Variants in AGL observed in about 807,000 individuals in gnomAD.
AGL encodes glycogen debranching enzyme.
AGL carries 128 observed loss-of-function variants against 199.3 expected under a neutral mutation model. The observed-to-expected ratio is 0.64, with a 90% CI of 0.56 to 0.74. The LOEUF (loss-of-function observed/expected upper bound fraction) is 0.74. Ranked by LOEUF, AGL falls within the 30% of genes least tolerant of loss-of-function variation. The pLI is 0.00. For synonymous variants in AGL, 584 were observed against 594.7 expected (o/e 0.98, Z 0.26); for missense variants, 1,809 against 1,820.8 (o/e 0.99, Z 0.12).
intron 5 of AGL, among the ~76,000 whole-genome samples, chr1:99,866,088 T>C (rs145259974): frequency 6.6e-6 from 1 of 152,212 alleles, no homozygotes; most frequent in African/African-American, 2.4e-5. Flanking sequence ...GGCAACATAA[T>C]GAGACCCCCA....
chr1:99,913,635 C>CA lies in AGL; in HGVS notation c.4061dup (p.Asn1354LysfsTer12), dbSNP rs768747182. 1.2e-6 allele frequency: 2 copies of CA among 1,613,846 alleles called. No homozygotes were observed. The highest frequency in any genetic ancestry group is 4.5e-5 in the East Asian group (2 of 44,852). ...CCTTCAGATTTAAATGAAAAGCATC[C>CA]AAATCTGGTTCACAAACGTGGCATA... is the stretch of plus-strand genomic sequence containing the variant. On this transcript the variant is annotated frameshift_variant, in exon 30 of 34. Transcript: ENST00000361915. LOFTEE classifies it high-confidence loss of function.
At position 99,912,412 on chromosome 1, in the gene AGL, T is replaced by G. The variant is rs1654811616; in HGVS notation, c.3844T>G (p.Ser1282Ala). Residue 1282 changes from serine to alanine, a missense_variant, in exon 29 of 34, where the codon TCT (serine) becomes GCT (alanine). By Grantham distance (99) the Ser-to-Ala change is moderately conservative. Coordinates refer to ENST00000361915, the MANE Select transcript of AGL (RefSeq NM_000642.3). ...TACGTTTTTTAATTTTAGAGATGGG[T>G]CTGCTGTGGAAATTGTGGGCCTGAG... ...RGIPATPRDG[S>A]AVEIVGLSKS... 1 of 1,613,722 alleles carries G rather than the reference T, an allele frequency of 6.2e-7. No homozygotes were observed. Among genetic ancestry groups the G allele is most frequent in the Non-Finnish European group, 8.5e-7 (1 of 1,179,726 alleles).
intron 25 of AGL, among the ~76,000 whole-genome samples, chr1:99,898,964 T>C (rs1410021910): frequency 1.3e-5 from 2 of 152,162 alleles, no homozygotes; most frequent in African/African-American, 4.8e-5. Context: ...GCTAGCACTA[T>C]GGCCAGGCAT....
intron 14 of AGL, 109 bp downstream of exon 14, chr1:99,880,904 T>A: frequency 7.3e-7 from 1 of 1,369,866 alleles, no homozygotes; most frequent in Non-Finnish European, 1.0e-6. Context: ...GTGTCTTAGA[T>A]TTATAACTGA....
intron 20 of AGL, 50 bp from the exon 21 acceptor site, chr1:99,887,928 A>T: frequency 6.2e-7 from 1 of 1,601,312 alleles, no homozygotes. Flanking sequence ...GTTTCTATTG[A>T]CAACAAGCGA....
intron 17 of AGL, among the ~76,000 whole-genome samples, chr1:99,882,153 A>AG (rs1200082953): frequency 2.7e-5 from 1 of 36,414 alleles, no homozygotes; most frequent in South Asian, 1.2e-3. Context: ...AAAAAAAAAA[A>AG]AAGAAAGAAA....
At chr1:99,901,767 G>C (rs537686477) in intron 26 of AGL, among the ~76,000 whole-genome samples, 6 of 152,022 alleles carry the variant, frequency 3.9e-5, no homozygotes, top group East Asian at 3.9e-4. Context: ...TGATTGGGGG[G>C]GCTGGGAGGG....
chr1:99,888,954 G>A (rs142246408), intron 21 of AGL, among the ~76,000 whole-genome samples: 67 of 152,074 alleles, frequency 4.4e-4, no homozygotes, highest in Non-Finnish European at 8.2e-4. Context: ...GAAATATATT[G>A]CCTTATTTTG....
At chr1:99,852,525 A>G (rs986828992) in intron 2 of AGL, 25 of 622,858 alleles carry the variant, frequency 4.0e-5, no homozygotes, top group Non-Finnish European at 6.2e-5. Flanking sequence ...ATACATCACT[A>G]TGCCCCGCTA....
chr1:99,864,642 A>G (rs1650351216), intron 5 of AGL, 53 bp downstream of exon 5: 2 of 1,400,106 alleles, frequency 1.4e-6, no homozygotes, highest in South Asian at 2.3e-5. Context: ...TTATGCACAC[A>G]CACATATACA....
At chr1:99,876,717 TA>T (rs1351277392) in intron 11 of AGL, 120 bp downstream of exon 11, 1 of 1,214,012 alleles carries the variant, frequency 8.2e-7, no homozygotes, top group Non-Finnish European at 1.2e-6. Flanking sequence ...TATTTCACCA[TA>T]AAGGTACCAG....
chr1:99,918,175 A>C (rs1655271669), intron 33 of AGL, among the ~76,000 whole-genome samples: 1 of 152,162 alleles, frequency 6.6e-6, no homozygotes, highest in Non-Finnish European at 1.5e-5. Flanking sequence ...ATTCAAAGTT[A>C]AGCTTTTTTC....
At chr1:99,877,170 A>G (rs1017295192) in intron 11 of AGL, among the ~76,000 whole-genome samples, 2 of 151,874 alleles carry the variant, frequency 1.3e-5, no homozygotes, top group Non-Finnish European at 2.9e-5. Flanking sequence ...AGAAATCTTA[A>G]TGCTTTTTTT....
intron 21 of AGL, among the ~76,000 whole-genome samples, chr1:99,890,188 C>T (rs1652768494): frequency 6.6e-6 from 1 of 152,152 alleles, no homozygotes; most frequent in Admixed American, 6.6e-5. Flanking sequence ...AACCAACTAA[C>T]CAATTTTCCA....
chr1:99,914,778 A>G (rs1372910122), intron 30 of AGL, among the ~76,000 whole-genome samples: 1 of 152,162 alleles, frequency 6.6e-6, no homozygotes, highest in Non-Finnish European at 1.5e-5. Flanking sequence ...TGAGTTACAT[A>G]AATTTAAGTG....
Position 99,884,223 on chromosome 1 carries a change from A to G in AGL, c.2412A>G (p.Val804=). The G allele has an allele frequency of 1.2e-6, 2 of 1,613,430 alleles. No homozygotes were observed. The highest frequency in any genetic ancestry group is 1.7e-6 in the Non-Finnish European group (2 of 1,179,538). ...TCAATGGAACACCAGATATCACAGT[A>G]GAAATTAGAGAACATATTCAGGTAT... ...NSINGTPDIT[V]EIREHIQLNE... The change falls in exon 18 of 34, where the codon GTA becomes GTG. Residue 804 remains valine (V), a synonymous_variant. Transcript: ENST00000361915.
chr1:99,903,960 T>G (rs1052819686), intron 27 of AGL, among the ~76,000 whole-genome samples: 1 of 152,140 alleles, frequency 6.6e-6, no homozygotes, highest in African/African-American at 2.4e-5. Context: ...GGGTTGTTTG[T>G]TTTTTTCTTG....
intron 4 of AGL, among the ~76,000 whole-genome samples, chr1:99,863,498 T>TACAA (rs1650237948): frequency 1.3e-5 from 2 of 151,986 alleles, no homozygotes; most frequent in Non-Finnish European, 2.9e-5. Flanking sequence ...AAATGAAACT[T>TACAA]GTGTTTCATT....
At chr1:99,852,566 G>C in intron 2 of AGL, 3 of 532,270 alleles carry the variant, frequency 5.6e-6, no homozygotes, top group Middle Eastern at 2.9e-4. Context: ...TGTAGAAACT[G>C]GGTCTCACTA....
Sources: gnomAD v4.1 joint callset for allele counts (sites outside exome capture counted in the v4.1 genomes callset) on GRCh38, gnomAD v4.1.1 for gene constraint, MANE v1.5 for transcripts, NCBI Gene and HGNC (gene_info 2026-07-23, HGNC 2026-07-21) for gene names.